HSF2BP: variants seen among roughly 807,000 people sequenced by gnomAD.
HSF2BP encodes the protein heat shock factor 2-binding protein.
In HSF2BP, 35 loss-of-function variants were observed where a neutral mutation model predicts 35.0. The ratio of observed to expected loss-of-function variants is 1.00; its 90% confidence interval spans 0.76 to 1.32. The LOEUF is 1.32. Ranked by LOEUF, HSF2BP falls within the 40% of genes most tolerant of loss-of-function variation. HSF2BP has a pLI of 0.00. For synonymous variants in HSF2BP, 114 were observed against 117.4 expected, an observed-to-expected ratio of 0.97 and a Z score of 0.18; for missense variants, 326 against 321.7, an observed-to-expected ratio of 1.01 and a Z score of -0.10.
chr21:43,586,839 T>C (rs1457426571), intron 8 of HSF2BP, among the ~76,000 whole-genome samples: 1 of 152,134 alleles, frequency 6.6e-6, no homozygotes, highest in Non-Finnish European at 1.5e-5. Flanking sequence ...TCACTCTTGT[T>C]GCCCAGACTG....
chr21:43,642,795 C>CTTT (rs869086487), intron 4 of HSF2BP, among the ~76,000 whole-genome samples: 3 of 92,116 alleles, frequency 3.3e-5, no homozygotes, highest in African/African-American at 8.6e-5. Context: ...GGCTTCTTTT[C>CTTT]TTTTTTTTTT....
intron 3 of HSF2BP, among the ~76,000 whole-genome samples, chr21:43,651,946 G>A (rs1381693545): frequency 6.6e-6 from 1 of 152,200 alleles, no homozygotes; most frequent in Non-Finnish European, 1.5e-5. Context: ...AGCCCCATTC[G>A]CTACTTGATG....
At chr21:43,658,573 C>T (rs2082914442) in intron 1 of HSF2BP, among the ~76,000 whole-genome samples, 1 of 152,230 alleles carries the variant, frequency 6.6e-6, no homozygotes, top group African/African-American at 2.4e-5. Context: ...ACTGAGATAA[C>T]CCCCGCTACG....
chr21:43,643,973 A>G (rs9917493), intron 4 of HSF2BP, among the ~76,000 whole-genome samples: 6,184 of 152,098 alleles, frequency 0.041, 438 homozygotes, highest in African/African-American at 0.14. Flanking sequence ...AAAGGAAAAA[A>G]AAAATTAATT....
chr21:43,655,329 A>G (rs1460759857), intron 3 of HSF2BP, among the ~76,000 whole-genome samples: 1 of 152,202 alleles, frequency 6.6e-6, no homozygotes, highest in Non-Finnish European at 1.5e-5. Context: ...CTGGCAACCA[A>G]TGACACGCCA....
intron 7 of HSF2BP, among the ~76,000 whole-genome samples, chr21:43,612,390 G>A (rs901840386): frequency 6.6e-6 from 1 of 152,160 alleles, no homozygotes; most frequent in Non-Finnish European, 1.5e-5. Context: ...AGGGGCTCAC[G>A]CCTGTAATCC....
At chr21:43,656,855 T>C in intron 2 of HSF2BP, 118 bp from the exon 3 acceptor site, 1 of 780,990 alleles carries the variant, frequency 1.3e-6, no homozygotes, top group Non-Finnish European at 2.1e-6. Flanking sequence ...AAATCATGTC[T>C]CTACCTACTG....
intron 7 of HSF2BP, among the ~76,000 whole-genome samples, chr21:43,596,797 T>C (rs1261547556): frequency 1.3e-5 from 2 of 151,504 alleles, no homozygotes; most frequent in African/African-American, 4.9e-5. Context: ...GGCAAGAGAC[T>C]TACTTGAGCC....
the HSF2BP span, among the ~76,000 whole-genome samples, chr21:43,498,738 A>G: frequency 1.8e-4 from 21 of 116,570 alleles, 4 homozygotes; most frequent in Non-Finnish European, 3.9e-4. Flanking sequence ...TCGGGTTAAC[A>G]CTTTCACGTG....
intron 2 of HSF2BP, among the ~76,000 whole-genome samples, chr21:43,656,941 C>G (rs1385781383): frequency 6.6e-6 from 1 of 152,084 alleles, no homozygotes; most frequent in African/African-American, 2.4e-5. Context: ...AAAAAGGGAG[C>G]CAGATGTTAA....
chr21:43,637,330 C>A (rs996916354), intron 4 of HSF2BP, among the ~76,000 whole-genome samples: 4 of 152,080 alleles, frequency 2.6e-5, no homozygotes, highest in African/African-American at 9.7e-5. Flanking sequence ...TTATATAATT[C>A]TGTTCCTACA....
intron 8 of HSF2BP, among the ~76,000 whole-genome samples, chr21:43,582,228 T>A (rs576316093): frequency 0.01 from 206 of 20,368 alleles, no homozygotes; most frequent in African/African-American, 0.015. Context: ...GGGCCTGCTG[T>A]GGGGGATGAG....
Position 43,578,963 on chromosome 21 carries a change from C to T in HSF2BP, c.796+13262G>A, listed in dbSNP as rs116789437. Among the ~76,000 whole-genome samples the T allele has an allele frequency of 7.2e-3, 1,096 of 152,078 alleles. 18 individuals carry two copies. Among genetic ancestry groups the T allele is most frequent in the African/African-American group, 0.025 (1,038 of 41,338 alleles). The stretch of plus-strand genomic sequence containing the variant: ...TGGGATGTCAGGACTTTGACAGGGC[C>T]CAGGATGTCCAAGTTTTTCTTAACA... On this transcript the variant is annotated intron_variant, in intron 8 of 8. Transcript: ENST00000291560.
In HSF2BP at chr21:43,655,868, TC is replaced by T. The variant is rs1197225299; in HGVS notation, c.187+718del. Among the ~76,000 whole-genome samples, 4 of 152,322 alleles carry T rather than the reference TC, an allele frequency of 2.6e-5. No homozygotes were observed. The East Asian group carries it at 7.7e-4, about 29-fold the overall frequency. On this transcript the variant is annotated intron_variant, in intron 3 of 8. Coordinates refer to ENST00000291560, the MANE Select transcript of HSF2BP (RefSeq NM_007031.2). ...TTGCACATGCCAGAAACTCATATTC[TC>T]GGGGTGAGCTATCTTCTTGTCTGGA...
chr21:43,467,935 A>AC, the HSF2BP span, among the ~76,000 whole-genome samples: 2 of 71,540 alleles, frequency 2.8e-5, no homozygotes, highest in Admixed American at 1.4e-4. Flanking sequence ...CACACACCAC[A>AC]CACACACACC....
Position 43,658,438 on chromosome 21 carries a change from G to A in HSF2BP, c.-224-118C>T, listed in dbSNP as rs139003785. The stretch of plus-strand genomic sequence containing the variant: ...AAGGGGGACTGCGTTCAAATGGGCA[G>A]TCTTTGCTGGAAACCTCGCCTCCGC... On this transcript the variant is annotated intron_variant, in intron 1 of 8. Coordinates refer to ENST00000291560, the MANE Select transcript of HSF2BP (RefSeq NM_007031.2). 3.6e-4 allele frequency: 108 copies of A among 300,690 alleles called. 1 individual carries two copies. The highest frequency in any genetic ancestry group is 2.3e-3 in the African/African-American group (104 of 45,868). The allele number at this position is 300,690 out of a possible 1,614,324, so 18.6% of individuals were successfully genotyped here. A position where few individuals can be genotyped will look rare whatever the true frequency, so the allele number is the denominator to read the frequency against.
At chr21:43,606,370 T>C (rs1490854138) in intron 7 of HSF2BP, among the ~76,000 whole-genome samples, 7 of 152,096 alleles carry the variant, frequency 4.6e-5, no homozygotes, top group Admixed American at 6.5e-5. Flanking sequence ...GGAAATGTGA[T>C]GCACACTGGG....
intron 7 of HSF2BP, among the ~76,000 whole-genome samples, chr21:43,608,323 T>A (rs1033831122): frequency 6.6e-6 from 1 of 151,924 alleles, no homozygotes; most frequent in Non-Finnish European, 1.5e-5. Context: ...AGAAAACATA[T>A]AAGCAGCCAA....
At chr21:43,658,798 G>A (rs751729795) in intron 1 of HSF2BP, among the ~76,000 whole-genome samples, 3 of 152,236 alleles carry the variant, frequency 2.0e-5, no homozygotes, top group Non-Finnish European at 4.4e-5. Context: ...CCAGGGCTCC[G>A]GGGTAGGGGC....
Sources: gnomAD v4.1 joint callset for allele counts (sites outside exome capture counted in the v4.1 genomes callset) on GRCh38, gnomAD v4.1.1 for gene constraint, MANE v1.5 for transcripts, NCBI Gene and HGNC (gene_info 2026-07-23, HGNC 2026-07-21) for gene names.